NSD2: variants seen among roughly 807,000 people sequenced by gnomAD.
NSD2 encodes nuclear receptor binding SET domain protein 2.
NSD2 carries 12 observed loss-of-function variants against 139.0 expected under a neutral mutation model. The ratio of observed to expected loss-of-function variants is 0.09; its 90% CI spans 0.06 to 0.14. The LOEUF is 0.14. NSD2 is among the 10% of genes least tolerant of loss of function. The probability of loss-of-function intolerance (pLI) is 1.00; values close to 1 mark genes in which losing one functional copy is unlikely to be tolerated. For synonymous variants in NSD2, 669 were observed against 648.7 expected (o/e 1.03, Z -0.48); for missense variants, 1,155 against 1,745.0 (o/e 0.66, Z 6.02).
chr4:1,944,316 T>C, intron 9 of NSD2: 2 of 1,066,208 alleles, frequency 1.9e-6, no homozygotes, highest in Non-Finnish European at 2.3e-6. Flanking sequence ...GGGAGGACCA[T>C]TGGCTTGCCA....
intron 3 of NSD2, among the ~76,000 whole-genome samples, chr4:1,914,062 G>A (rs1719037556): frequency 2.0e-5 from 3 of 151,970 alleles, no homozygotes; most frequent in African/African-American, 7.3e-5. Flanking sequence ...TTGCTTTGTC[G>A]CCCAGGCTAG....
At chr4:1,925,544 A>G (rs1720783058) in intron 5 of NSD2, among the ~76,000 whole-genome samples, 1 of 150,208 alleles carries the variant, frequency 6.7e-6, no homozygotes, top group Admixed American at 6.6e-5. Context: ...GACCACAGGC[A>G]CATGCCACCA....
At chr4:1,947,458 C>G (rs2108926642) in intron 9 of NSD2, 1 of 1,058,962 alleles carries the variant, frequency 9.4e-7, no homozygotes. Context: ...CACCCCCAGC[C>G]CTGACCCTAG....
In NSD2 at chr4:1,935,149, G is replaced by C. The variant is rs184269531; in HGVS notation, c.1561G>C (p.Val521Leu). 1.7e-5 allele frequency: 27 copies of C among 1,609,326 alleles called. No individual in the cohort carries two copies. Among genetic ancestry groups the C allele is most frequent in the Admixed American group, 3.4e-5 (2 of 59,548 alleles). The part of the protein sequence containing the change: ...PVQAEEDSGN[V>L]NGKKRNHTKR... ...TCCCCATTCCCCATTCCAAGGTAAT[G>C]TAAATGGGAAAAAAAGAAACCACAC... The change falls in exon 7 of 22, where the codon GTA becomes CTA. Residue 521 changes from valine to leucine, a missense_variant. Around this residue, in one of 8 missense-constraint regions of NSD2, gnomAD observed 420 missense variants for 469.0 expected, o/e 0.90. Coordinates refer to ENST00000508803, the MANE Select transcript of NSD2 (RefSeq NM_001042424.3).
Position 1,976,307 on chromosome 4 carries a change from G to C in NSD2, c.3622-168G>C. 1 of 703,332 alleles carries C rather than the reference G, an allele frequency of 1.4e-6. No homozygotes were observed. Among genetic ancestry groups the C allele is most frequent in the Non-Finnish European group, 2.4e-6 (1 of 417,436 alleles). The allele number at this position is 703,332 out of a possible 1,614,324, so 43.6% of individuals were successfully genotyped here. On this transcript the variant is annotated intron_variant, in intron 20 of 21. Transcript: ENST00000508803. The surrounding 1 kb of genome is among the most constrained non-coding windows in gnomAD (Gnocchi z 5.3). ...AGCTTTTTCACGCTGAGTCGAGTGAGTCTAAGGATGTCTGGGGAGCACGAG... is the reference window on the plus strand; with the variant it reads ...AGCTTTTTCACGCTGAGTCGAGTGACTCTAAGGATGTCTGGGGAGCACGAG...
At chr4:1,928,874 C>T (rs939913007) in intron 5 of NSD2, among the ~76,000 whole-genome samples, 1 of 151,950 alleles carries the variant, frequency 6.6e-6, no homozygotes, top group Admixed American at 6.6e-5. Flanking sequence ...GCCCTTGGAG[C>T]TTGAAGAGTT....
chr4:1,938,619 C>T, intron 8 of NSD2, 87 bp downstream of exon 8: 1 of 1,176,192 alleles, frequency 8.5e-7, no homozygotes, highest in South Asian at 1.4e-5. Context: ...AAGGGGAAGG[C>T]TGGGGCTGGT....
At chr4:1,928,362 C>T (rs1450810300) in intron 5 of NSD2, among the ~76,000 whole-genome samples, 1 of 152,172 alleles carries the variant, frequency 6.6e-6, no homozygotes, top group African/African-American at 2.4e-5. Context: ...GCTGGCTAAC[C>T]TGAGCTTAAA....
intron 3 of NSD2, among the ~76,000 whole-genome samples, chr4:1,906,654 C>CTTTTTT (rs537619996): frequency 2.4e-4 from 24 of 99,956 alleles, no homozygotes; most frequent in Non-Finnish European, 2.9e-4. Context: ...CTCTCTCTCT[C>CTTTTTT]TTTTTTTTTT....
Position 1,958,167 on chromosome 4 carries a change from G to C in NSD2, c.2985+131G>C. ...AGCCAGGATCTGTGGTGCCTGGCAT[G>C]GATGGCCACACAAGAGACCATGAGC... is the stretch of plus-strand genomic sequence containing the variant. On this transcript the variant is annotated intron_variant, in intron 16 of 21. Transcript: ENST00000508803. The surrounding 1 kb of genome is among the most constrained non-coding windows in gnomAD (Gnocchi z 4.6). 1.1e-6 allele frequency: 1 copy of C among 871,820 alleles called. No homozygotes were observed. The highest frequency in any genetic ancestry group is 1.8e-6 in the Non-Finnish European group (1 of 557,058). 54.0% of individuals were successfully genotyped at this position (871,820 alleles called of 1,614,324 possible). A position where few individuals can be genotyped will look rare whatever the true frequency, so the allele number is the denominator to read the frequency against.
At position 1,938,434 on chromosome 4, in the gene NSD2, T is replaced by TTTTTTTTTTTTTTTTTTTTTTTTTA. The variant is rs1722713898; in HGVS notation, c.1675-10_1675-9insTTTTTTTTTTTTTTTTTATTTTTTT. Reference sequence around the variant, plus strand: ...TTTCTTTCTTTTTTTTTTTTTTTTTTTTTTTTTAAATAATAGAGAGACACA... The same window carrying TTTTTTTTTTTTTTTTTTTTTTTTTA: ...TTTCTTTCTTTTTTTTTTTTTTTTTTTTTTTTTTTTTTTTTTTTTTTTTTATTTTTTTAAATAATAGAGAGACACA... On this transcript the variant is annotated splice_polypyrimidine_tract_variant and intron_variant, in intron 7 of 21. Coordinates refer to ENST00000508803, the MANE Select transcript of NSD2 (RefSeq NM_001042424.3). 1 of 1,248,554 alleles carries TTTTTTTTTTTTTTTTTTTTTTTTTA rather than the reference T, an allele frequency of 8.0e-7. No homozygotes were observed. The highest frequency in any genetic ancestry group is 1.6e-5 in the African/African-American group (1 of 60,966). The allele number at this position is 1,248,554 out of a possible 1,614,324, so 77.3% of individuals were successfully genotyped here.
intron 1 of NSD2, among the ~76,000 whole-genome samples, chr4:1,876,736 G>A (rs1277279198): frequency 6.6e-6 from 1 of 151,890 alleles, no homozygotes; most frequent in African/African-American, 2.4e-5. Flanking sequence ...CTACCCTAGT[G>A]GGTGTGTAGA....
At chr4:1,885,764 C>T (rs765231387) in intron 1 of NSD2, among the ~76,000 whole-genome samples, 2 of 152,064 alleles carry the variant, frequency 1.3e-5, no homozygotes, top group Admixed American at 6.6e-5. Context: ...ATCTCTGCAC[C>T]GGTTCTGCAG....
At chr4:1,962,544 A>G (rs746514547) in intron 18 of NSD2, among the ~76,000 whole-genome samples, 1 of 152,384 alleles carries the variant, frequency 6.6e-6, no homozygotes, top group Middle Eastern at 3.4e-3. Context: ...GTGTGTATAC[A>G]TATATCCATA....
intron 18 of NSD2, among the ~76,000 whole-genome samples, chr4:1,965,611 G>A (rs1051245276): frequency 1.3e-5 from 2 of 152,190 alleles, no homozygotes; most frequent in Admixed American, 1.3e-4. Context: ...CATGCAAGGT[G>A]TATTAGTCTA....
intron 1 of NSD2, among the ~76,000 whole-genome samples, chr4:1,879,177 A>G (rs941064574): frequency 6.6e-6 from 1 of 152,040 alleles, no homozygotes; most frequent in South Asian, 2.1e-4. Flanking sequence ...CTATGTGTAT[A>G]TATGTAAATA....
At chr4:1,944,780 T>A in intron 9 of NSD2, 1 of 1,064,244 alleles carries the variant, frequency 9.4e-7, no homozygotes. Flanking sequence ...CTGCTCTAGA[T>A]GGATCTTTGG....
chr4:1,944,086 G>A (rs916352314), intron 9 of NSD2: 2 of 1,066,398 alleles, frequency 1.9e-6, no homozygotes, highest in Non-Finnish European at 2.3e-6. Context: ...ATCTCAGCGG[G>A]GGGTGGGGTG....
At position 1,979,016 on chromosome 4, in the gene NSD2, A is replaced by T; in HGVS notation, c.*107A>T. On this transcript the variant is annotated 3_prime_UTR_variant, in exon 22 of 22. Transcript: ENST00000508803. ...CCCGGAGGACCCAGCTCGAGCCGCCAGGACACAGACGTACAGGCCTCCTCG... is the reference window on the plus strand; with the variant it reads ...CCCGGAGGACCCAGCTCGAGCCGCCTGGACACAGACGTACAGGCCTCCTCG... 1 of 1,384,068 alleles carries T rather than the reference A, an allele frequency of 7.2e-7. No individual in the cohort carries two copies. The highest frequency in any genetic ancestry group is 9.5e-7 in the Non-Finnish European group (1 of 1,055,550). 85.7% of individuals were successfully genotyped at this position (1,384,068 alleles called of 1,614,324 possible). A position where few individuals can be genotyped will look rare whatever the true frequency, so the allele number is the denominator to read the frequency against.
Sources: gnomAD v4.1 joint callset for allele counts (sites outside exome capture counted in the v4.1 genomes callset) on GRCh38, gnomAD v4.1.1 for gene constraint, gnomAD v4.1.1 regional missense constraint, Gnocchi (gnomAD v3.1) non-coding constraint, MANE v1.5 for transcripts, NCBI Gene and HGNC (gene_info 2026-07-23, HGNC 2026-07-21) for gene names.